The following RPTOR variants were observed in gnomAD, a reference collection of about 807,000 sequenced individuals.
The protein encoded by RPTOR is regulatory-associated protein of mTOR.
A neutral mutation model predicts 169.9 loss-of-function variants in RPTOR; 21 were observed. That is an observed-to-expected ratio of 0.12 (90% CI 0.09 to 0.18). The LOEUF (loss-of-function observed/expected upper bound fraction) is 0.18, where lower values mean the gene tolerates loss of function less well. Ranked by LOEUF, RPTOR falls within the 10% of genes least tolerant of loss-of-function variation. The pLI, the probability that RPTOR is intolerant of heterozygous loss-of-function variation, is 1.00. For missense variants in RPTOR, 1,133 were observed against 1,855.9 expected (o/e 0.61, Z 7.16); for synonymous variants, 732 against 753.2 (o/e 0.97, Z 0.46).
At chr17:80,570,941 C>CAA (rs1384672886) in intron 1 of RPTOR, among the ~76,000 whole-genome samples, 2 of 152,230 alleles carry the variant, frequency 1.3e-5, no homozygotes, top group Non-Finnish European at 2.9e-5. Context: ...GTTCAGCTTT[C>CAA]ATGATCCCTA....
intron 1 of RPTOR, among the ~76,000 whole-genome samples, chr17:80,590,125 C>T (rs2065092482): frequency 6.6e-6 from 1 of 152,286 alleles, no homozygotes; most frequent in Non-Finnish European, 1.5e-5. Flanking sequence ...TTTTGTGCAT[C>T]TATCAAGATG....
intron 16 of RPTOR, 71 bp downstream of exon 16, chr17:80,884,043 C>G (rs1432767017): frequency 6.7e-7 from 1 of 1,501,408 alleles, no homozygotes; most frequent in Non-Finnish European, 9.0e-7. Context: ...GAGGTCTGCT[C>G]GCGTGCGGGT....
At chr17:80,546,435 T>C (rs976710250) in intron 1 of RPTOR, among the ~76,000 whole-genome samples, 4 of 152,112 alleles carry the variant, frequency 2.6e-5, no homozygotes, top group African/African-American at 7.2e-5. Flanking sequence ...GGTTTTAGGG[T>C]GTCCGCATGG....
intron 3 of RPTOR, among the ~76,000 whole-genome samples, chr17:80,660,045 C>A (rs186718949): frequency 6.6e-6 from 1 of 151,916 alleles, no homozygotes; most frequent in Admixed American, 6.6e-5. Flanking sequence ...CCGAGGTGGG[C>A]GGATCATCTG....
At chr17:80,833,159 A>G (rs542234739) in intron 9 of RPTOR, among the ~76,000 whole-genome samples, 2 of 152,054 alleles carry the variant, frequency 1.3e-5, no homozygotes, top group Non-Finnish European at 2.9e-5. Context: ...GCGGACTTGG[A>G]CTTGGACGGT....
chr17:80,924,636 C>T (rs565817998), intron 23 of RPTOR, among the ~76,000 whole-genome samples: 6 of 151,564 alleles, frequency 4.0e-5, no homozygotes, highest in East Asian at 3.9e-4. Flanking sequence ...GCAATGCTAC[C>T]GGCACGTGCA....
At chr17:80,677,493 C>T (rs931484923) in intron 3 of RPTOR, among the ~76,000 whole-genome samples, 2 of 152,146 alleles carry the variant, frequency 1.3e-5, no homozygotes, top group Non-Finnish European at 2.9e-5. Context: ...CTGGTCCCTG[C>T]TCTCTACCAC....
chr17:80,761,988 G>C (rs957256596), intron 6 of RPTOR, among the ~76,000 whole-genome samples: 2 of 152,168 alleles, frequency 1.3e-5, no homozygotes, highest in African/African-American at 4.8e-5. Flanking sequence ...ACGTTTCCAA[G>C]TAGAGCCTCA....
chr17:80,831,307 T>C (rs2067501088), intron 9 of RPTOR, among the ~76,000 whole-genome samples: 1 of 152,186 alleles, frequency 6.6e-6, no homozygotes. Context: ...AGACGATTCC[T>C]CAGTCCATGT....
At chr17:80,674,787 C>CAAAAAAAAAAAA (rs9319608) in intron 3 of RPTOR, among the ~76,000 whole-genome samples, 8 of 89,976 alleles carry the variant, frequency 8.9e-5, no homozygotes, top group Non-Finnish European at 1.3e-4. Flanking sequence ...GACTCTGTCT[C>CAAAAAAAAAAAA]AAAAAAAAAA....
At chr17:80,587,720 C>G (rs2065073009) in intron 1 of RPTOR, among the ~76,000 whole-genome samples, 1 of 151,092 alleles carries the variant, frequency 6.6e-6, no homozygotes, top group African/African-American at 2.4e-5. Flanking sequence ...TAGATATATA[C>G]ATTGGGGAAT....
intron 3 of RPTOR, among the ~76,000 whole-genome samples, chr17:80,665,746 C>T (rs1043108395): frequency 5.3e-5 from 8 of 151,994 alleles, no homozygotes; most frequent in Middle Eastern, 3.4e-3. Flanking sequence ...GGGGTTTCAC[C>T]GTGTTAGCCA....
intron 3 of RPTOR, among the ~76,000 whole-genome samples, chr17:80,662,068 G>A (rs1567844446): frequency 6.6e-6 from 1 of 152,134 alleles, no homozygotes; most frequent in Non-Finnish European, 1.5e-5. Flanking sequence ...TTTATGTGTA[G>A]TAAAATGCGT....
At chr17:80,891,279 G>A (rs530525450) in intron 17 of RPTOR, among the ~76,000 whole-genome samples, 4 of 152,368 alleles carry the variant, frequency 2.6e-5, no homozygotes, top group Non-Finnish European at 2.9e-5. Flanking sequence ...CGGCTTGTCC[G>A]CTGCACTCGG....
chr17:80,902,909 C>A (rs558953894), intron 20 of RPTOR, among the ~76,000 whole-genome samples: 2 of 152,214 alleles, frequency 1.3e-5, no homozygotes, highest in Non-Finnish European at 2.9e-5. Context: ...AGAGGCGAGG[C>A]GGGAGTTAAT....
chr17:80,688,395 C>T (rs748391663), intron 3 of RPTOR, among the ~76,000 whole-genome samples: 1 of 152,164 alleles, frequency 6.6e-6, no homozygotes, highest in Non-Finnish European at 1.5e-5. Context: ...ATCCCTCAAC[C>T]GTTTCTCTCT....
rs1468748559 is a variant in RPTOR, at chr17:80,601,713, G to A, written c.163-23978G>A. 1.8e-4 allele frequency among the ~76,000 whole-genome samples: 3 copies of A among 16,762 alleles called. 1 individual carries two copies. In the East Asian group the frequency reaches 2.2e-3, roughly 12 times the overall value. 11.0% of individuals were successfully genotyped at this position (16,762 alleles called of 152,430 possible). A position where few individuals can be genotyped will look rare whatever the true frequency, so the allele number is the denominator to read the frequency against. On this transcript the variant is annotated intron_variant, in intron 1 of 33. Transcript: ENST00000306801. ...GGTTTTCCTAGGCAGAGGACCCTGC[G>A]GCCTTCCGCAGTGTTTGTGTCCCTG...
chr17:80,950,598 G>T (rs1181023318), intron 28 of RPTOR, among the ~76,000 whole-genome samples: 1 of 152,040 alleles, frequency 6.6e-6, no homozygotes, highest in Non-Finnish European at 1.5e-5. Flanking sequence ...TGTTGCTTCT[G>T]TCCTGATCTC....
chr17:80,929,111 A>G (rs1347584538), intron 24 of RPTOR, among the ~76,000 whole-genome samples: 4 of 152,264 alleles, frequency 2.6e-5, no homozygotes, highest in Non-Finnish European at 4.4e-5. Flanking sequence ...GAAAAGAATC[A>G]CTTAGTAGGA....
Sources: allele counts gnomAD v4.1 joint callset (sites outside exome capture counted in the v4.1 genomes callset), GRCh38; gene constraint gnomAD v4.1.1; transcripts MANE v1.5; gene names NCBI Gene and HGNC (gene_info 2026-07-23, HGNC 2026-07-21).